Variants in ROBO1 observed in about 807,000 individuals in gnomAD.
ROBO1 encodes the protein roundabout guidance receptor 1.
Under a neutral mutation model 195.9 loss-of-function variants are expected in ROBO1, and 149 were observed. That is an observed-to-expected ratio of 0.76 (90% CI 0.67 to 0.87). The LOEUF is 0.87. Among genes scored for constraint, ROBO1 ranks in the 40% least tolerant of loss-of-function variants. The pLI, the probability that ROBO1 is intolerant of heterozygous loss-of-function variation, is 0.00. For missense variants in ROBO1, 1,933 were observed against 2,068.3 expected (o/e 0.93, Z 1.27); for synonymous variants, 816 against 733.2 (o/e 1.11, Z -1.82).
Position 78,668,194 on chromosome 3 carries a change from G to A in ROBO1, c.1739C>T (p.Ser580Leu), listed in dbSNP as rs1707846852. The A allele has an allele frequency of 5.0e-6, 8 of 1,613,524 alleles. No homozygotes were observed. The East Asian group carries it at 1.8e-4, about 36-fold the overall frequency. Residue 580 changes from serine (S) to leucine (L), a missense_variant, in exon 13 of 31, where the codon TCG becomes TTG. Around this residue, in one of 3 missense-constraint regions of ROBO1, gnomAD observed 1,737 missense variants for 1,882.5 expected, o/e 0.92. Transcript: ENST00000464233. ...TCCTGAATTCAAATTTGGTTGCCAC[G>A]ATAATGTGACTGTATTTCTGCTGAC... ...TDVSRNTVTL[S>L]WQPNLNSGAT... is the part of the protein sequence containing the mutation.
intron 4 of ROBO1, chr3:78,758,865 A>G (rs11716325): frequency 0.24 from 36,199 of 152,028 alleles, 4,683 homozygotes; most frequent in East Asian, 0.51. Flanking sequence ...CATGTTCTGG[A>G]GAGTTACACA....
chr3:78,724,630 C>T (rs1050731814), intron 5 of ROBO1, among the ~76,000 whole-genome samples: 4 of 151,304 alleles, frequency 2.6e-5, no homozygotes, highest in African/African-American at 9.7e-5. Flanking sequence ...TGCAGTGAGC[C>T]GAAATCATGC....
chr3:79,606,688 AC>A (rs1944496362), intron 1 of ROBO1, among the ~76,000 whole-genome samples: 1 of 151,976 alleles, frequency 6.6e-6, no homozygotes, highest in Non-Finnish European at 1.5e-5. Context: ...ATATAAATAG[AC>A]CAGTGGTCAC....
intron 2 of ROBO1, among the ~76,000 whole-genome samples, chr3:79,477,332 A>G (rs1196146526): frequency 1.3e-5 from 2 of 152,174 alleles, no homozygotes; most frequent in Non-Finnish European, 2.9e-5. Context: ...AAGTATCTAA[A>G]CATCTCATCT....
At chr3:79,593,601 A>G (rs991418480) in intron 1 of ROBO1, among the ~76,000 whole-genome samples, 5 of 149,684 alleles carry the variant, frequency 3.3e-5, no homozygotes, top group Admixed American at 2.7e-4. Context: ...GAGTTTAAGA[A>G]TTTTTTTTTT....
intron 2 of ROBO1, among the ~76,000 whole-genome samples, chr3:79,315,552 G>A (rs534130940): frequency 3.3e-5 from 5 of 152,304 alleles, no homozygotes; most frequent in Middle Eastern, 3.4e-3. Flanking sequence ...AGCAATAAAA[G>A]TGGGAATGAG....
intron 3 of ROBO1, among the ~76,000 whole-genome samples, chr3:78,953,564 G>T (rs1257704042): frequency 6.6e-6 from 1 of 151,782 alleles, no homozygotes; most frequent in Non-Finnish European, 1.5e-5. Flanking sequence ...ATATTAACAA[G>T]AATAATATTG....
chr3:79,024,001 C>T (rs1413433671), intron 3 of ROBO1, among the ~76,000 whole-genome samples: 2 of 151,914 alleles, frequency 1.3e-5, no homozygotes, highest in African/African-American at 4.8e-5. Flanking sequence ...TGAGCCACCG[C>T]GCCTGGCCAG....
chr3:78,646,985 C>T (rs1706334963), intron 20 of ROBO1, among the ~76,000 whole-genome samples: 1 of 151,908 alleles, frequency 6.6e-6, no homozygotes, highest in Non-Finnish European at 1.5e-5. Flanking sequence ...AGTTCTGCTA[C>T]TTAGAAGAAC....
chr3:78,982,819 A>G (rs1319316426), intron 3 of ROBO1, among the ~76,000 whole-genome samples: 1 of 152,032 alleles, frequency 6.6e-6, no homozygotes, highest in Non-Finnish European at 1.5e-5. Flanking sequence ...GGGTTTCACC[A>G]TGTTGGTCAG....
chr3:78,707,580 G>C (rs1256774723), intron 8 of ROBO1, among the ~76,000 whole-genome samples: 1 of 152,182 alleles, frequency 6.6e-6, no homozygotes, highest in Non-Finnish European at 1.5e-5. Flanking sequence ...ATAAAGTTGA[G>C]AGACTAGAGT....
intron 4 of ROBO1, among the ~76,000 whole-genome samples, chr3:78,830,878 TTGTTTTTTG>T (rs2032119309): frequency 2.0e-5 from 3 of 151,392 alleles, no homozygotes; most frequent in South Asian, 2.1e-4. Flanking sequence ...CTCTGTTTTG[TTGTTTTTTG>T]TGTTTTTTGT....
intron 2 of ROBO1, among the ~76,000 whole-genome samples, chr3:79,493,108 T>C (rs1323649841): frequency 6.6e-6 from 1 of 152,004 alleles, no homozygotes; most frequent in African/African-American, 2.4e-5. Context: ...ATTTGGCAAA[T>C]CACTCTAACA....
intron 3 of ROBO1, among the ~76,000 whole-genome samples, chr3:79,028,141 A>AT (rs1209006388): frequency 6.6e-6 from 1 of 151,980 alleles, no homozygotes; most frequent in Non-Finnish European, 1.5e-5. Flanking sequence ...TAAGATTTTA[A>AT]TTTTTTTCAC....
At position 79,400,679 on chromosome 3, in the gene ROBO1, T is replaced by C. The variant is rs79191959; in HGVS notation, c.88+189145A>G. Among the ~76,000 whole-genome samples, 1,116 of 152,196 alleles carry C rather than the reference T, an allele frequency of 7.3e-3. 7 individuals carry two copies. The highest frequency in any genetic ancestry group is 0.011 in the Non-Finnish European group (767 of 67,950). ...TATTGAGGAAAATGTCCATTCTAAA[T>C]AATGCATGTCCTAAATTCATAAGTA... On this transcript the variant is annotated intron_variant, in intron 2 of 30. Coordinates refer to ENST00000464233, the MANE Select transcript of ROBO1 (RefSeq NM_002941.4).
chr3:79,401,956 G>A (rs1459120308), intron 2 of ROBO1, among the ~76,000 whole-genome samples: 5 of 151,764 alleles, frequency 3.3e-5, no homozygotes, highest in Non-Finnish European at 5.9e-5. Context: ...ATGGTTACAC[G>A]TACAGTAGTG....
At chr3:78,720,015 A>C (rs1444769416) in intron 5 of ROBO1, among the ~76,000 whole-genome samples, 1 of 152,094 alleles carries the variant, frequency 6.6e-6, no homozygotes, top group Non-Finnish European at 1.5e-5. Flanking sequence ...ACTGTTTGGG[A>C]AGTGTTAAAA....
intron 3 of ROBO1, among the ~76,000 whole-genome samples, chr3:79,117,384 A>AC (rs998072371): frequency 4.5e-4 from 69 of 152,142 alleles, no homozygotes; most frequent in Admixed American, 1.4e-3. Context: ...CAAAAACAAA[A>AC]AAAAAAAGAG....
intron 2 of ROBO1, among the ~76,000 whole-genome samples, chr3:79,210,255 C>T (rs2081945606): frequency 6.6e-6 from 1 of 152,146 alleles, no homozygotes; most frequent in South Asian, 2.1e-4. Context: ...ATCATATTAC[C>T]TGACTTCAAA....
Sources: gnomAD v4.1 joint callset for allele counts (sites outside exome capture counted in the v4.1 genomes callset) on GRCh38, gnomAD v4.1.1 for gene constraint, gnomAD v4.1.1 regional missense constraint, MANE v1.5 for transcripts, NCBI Gene and HGNC (gene_info 2026-07-23, HGNC 2026-07-21) for gene names.